The following LRRC58 variants were observed in gnomAD, a reference collection of about 807,000 sequenced individuals.
LRRC58 encodes the protein leucine-rich repeat-containing protein 58.
In LRRC58, 18 loss-of-function variants were observed where a neutral mutation model predicts 30.6. The observed-to-expected ratio is 0.59, with a 90% CI of 0.41 to 0.87. LRRC58 has a LOEUF of 0.87. Among genes scored for constraint, LRRC58 ranks in the 40% least tolerant of loss-of-function variants. LRRC58 has a pLI of 0.00. For synonymous variants in LRRC58, 221 were observed against 206.0 expected, an observed-to-expected ratio of 1.07 and a Z score of -0.62; for missense variants, 420 against 468.4, an observed-to-expected ratio of 0.90 and a Z score of 0.95.
At chr3:120,341,470 TTA>T (rs1935903553) in intron 1 of LRRC58, among the ~76,000 whole-genome samples, 1 of 152,204 alleles carries the variant, frequency 6.6e-6, no homozygotes, top group Non-Finnish European at 1.5e-5. Context: ...AGTGTAAATA[TTA>T]TCCTTTCTAT....
chr3:120,348,842 C>T lies in LRRC58; in HGVS notation c.402G>A (p.Glu134=), dbSNP rs1434924555. The change falls in exon 1 of 4, where the codon GAG becomes GAA. Residue 134 remains glutamate, a synonymous_variant. Coordinates refer to ENST00000295628, the MANE Select transcript of LRRC58 (RefSeq NM_001099678.2). The part of the protein sequence containing the change: ...VLNLSGNCFQ[E]VPASLLELRA... ...GCAGCTCTAAGAGCGAGGCAGGCAC[C>T]TCCTGGAAACAGTTGCCGCTGAGGT... The T allele has an allele frequency of 6.2e-7, 1 of 1,604,480 alleles. No individual in the cohort carries two copies. The highest frequency in any genetic ancestry group is 1.7e-5 in the Admixed American group (1 of 58,766).
At chr3:120,332,574 T>A (rs889913796) in intron 3 of LRRC58, among the ~76,000 whole-genome samples, 1 of 152,186 alleles carries the variant, frequency 6.6e-6, no homozygotes, top group Non-Finnish European at 1.5e-5. Flanking sequence ...TGGGAGTTAC[T>A]ACGAACTAAA....
At chr3:120,341,326 T>C (rs1465190074) in intron 1 of LRRC58, among the ~76,000 whole-genome samples, 1 of 152,022 alleles carries the variant, frequency 6.6e-6, no homozygotes, top group Non-Finnish European at 1.5e-5. Flanking sequence ...ATGAGAATAC[T>C]ATCAGGGAAA....
In LRRC58 at chr3:120,349,143, G is replaced by T; in HGVS notation, c.101C>A (p.Ala34Glu). The T allele has an allele frequency of 6.6e-7, 1 of 1,503,834 alleles. No homozygotes were observed. The highest frequency in any genetic ancestry group is 8.8e-7 in the Non-Finnish European group (1 of 1,134,816). The allele number at this position is 1,503,834 out of a possible 1,614,324, so 93.2% of individuals were successfully genotyped here. A position where few individuals can be genotyped will look rare whatever the true frequency, so the allele number is the denominator to read the frequency against. The change falls in exon 1 of 4, where the codon GCG (alanine) becomes GAG (glutamate). Residue 34 changes from alanine to glutamate, a missense_variant. By Grantham distance (107) the Ala-to-Glu change is moderately radical. Transcript: ENST00000295628. Reference protein sequence around the residue: ...STETLESELEARGEERRGARE... With the variant: ...STETLESELEERGEERRGARE... ...CGCCCCGCGCCGCTCCTCCCCCCGCGCCTCCAGCTCAGACTCCAGCGTCTC... is the reference window on the plus strand; with the variant it reads ...CGCCCCGCGCCGCTCCTCCCCCCGCTCCTCCAGCTCAGACTCCAGCGTCTC...
rs980617410 is a variant in LRRC58, at chr3:120,326,455, C to T, written c.*4745G>A. 5.3e-5 allele frequency: 8 copies of T among 152,222 alleles called. No individual in the cohort carries two copies. The East Asian group carries it at 1.3e-3, about 26-fold the overall frequency. 9.4% of individuals were successfully genotyped at this position (152,222 alleles called of 1,614,324 possible). On this transcript the variant is annotated 3_prime_UTR_variant, in exon 4 of 4. Transcript: ENST00000295628. ...AAGTGCCAGGATTACTGGCGTGAGC[C>T]ACCATGCCTGGCCCAAAATTGTACA...
chr3:120,340,410 T>C (rs1287615444), intron 1 of LRRC58, among the ~76,000 whole-genome samples: 3 of 152,200 alleles, frequency 2.0e-5, no homozygotes, highest in African/African-American at 7.2e-5. Context: ...TCCCTATTCT[T>C]GCTTCACTGA....
chr3:120,344,665 A>G (rs1414920882), intron 1 of LRRC58, among the ~76,000 whole-genome samples: 2 of 152,254 alleles, frequency 1.3e-5, no homozygotes, highest in Non-Finnish European at 2.9e-5. Context: ...AAGATTGTAG[A>G]AGAGTACCAA....
intron 1 of LRRC58, 61 bp downstream of exon 1, chr3:120,348,683 C>A: frequency 6.8e-7 from 1 of 1,473,612 alleles, no homozygotes; most frequent in Non-Finnish European, 9.0e-7. Flanking sequence ...CCAGGCCCGG[C>A]GCCCCAGGGT....
At chr3:120,332,101 G>T (rs1009707756) in intron 3 of LRRC58, among the ~76,000 whole-genome samples, 6 of 152,162 alleles carry the variant, frequency 3.9e-5, no homozygotes, top group African/African-American at 1.2e-4. Flanking sequence ...TGAGAGGAAA[G>T]CAGATGTTGC....
At chr3:120,347,150 ATGTC>A (rs1402848280) in intron 1 of LRRC58, among the ~76,000 whole-genome samples, 1 of 152,122 alleles carries the variant, frequency 6.6e-6, no homozygotes, top group Non-Finnish European at 1.5e-5. Flanking sequence ...TAGTTGTTTA[ATGTC>A]TGTCTCCTGG....
At position 120,342,627 on chromosome 3, in the gene LRRC58, A is replaced by G. The variant is rs999360512; in HGVS notation, c.500+6117T>C. 5.9e-5 allele frequency among the ~76,000 whole-genome samples: 9 copies of G among 152,330 alleles called. No homozygotes were observed. In the Middle Eastern group the frequency reaches 0.017, roughly 288 times the overall value. On this transcript the variant is annotated intron_variant, in intron 1 of 3. Transcript: ENST00000295628. ...ACACTTGAAGGGACCACCTGCCTAC[A>G]GAGAGGAGCTACTCACTCATCTCAG...
At chr3:120,336,700 T>C (rs922190943) in intron 1 of LRRC58, among the ~76,000 whole-genome samples, 38 of 151,832 alleles carry the variant, frequency 2.5e-4, no homozygotes, top group African/African-American at 8.5e-4. Context: ...TTTCCAACAA[T>C]AGGTTAACAT....
chr3:120,332,218 A>G (rs1200904567), intron 3 of LRRC58, among the ~76,000 whole-genome samples: 1 of 152,242 alleles, frequency 6.6e-6, no homozygotes, highest in Non-Finnish European at 1.5e-5. Context: ...TTTTGGTCCA[A>G]TCACCTCTCT....
chr3:120,333,029 T>A (rs1357704270), intron 3 of LRRC58, among the ~76,000 whole-genome samples: 1 of 150,880 alleles, frequency 6.6e-6, no homozygotes, highest in Admixed American at 6.6e-5. Flanking sequence ...GAGGCGGAGC[T>A]TGCAGTGAGC....
rs560022723 is a variant in LRRC58, at chr3:120,325,375, C to G, written c.*5825G>C. On this transcript the variant is annotated 3_prime_UTR_variant, in exon 4 of 4. Coordinates refer to ENST00000295628, the MANE Select transcript of LRRC58 (RefSeq NM_001099678.2). ...TCACAGCCAAAGGAACAAGTACATT[C>G]TGGTGAATGCAGATGTTCTTTCCAC... 6.6e-6 allele frequency: 1 copy of G among 152,306 alleles called. No individual in the cohort carries two copies. Among genetic ancestry groups the G allele is most frequent in the South Asian group, 2.1e-4 (1 of 4,826 alleles). The allele number at this position is 152,306 out of a possible 1,614,324, so 9.4% of individuals were successfully genotyped here. A position where few individuals can be genotyped will look rare whatever the true frequency, so the allele number is the denominator to read the frequency against.
chr3:120,338,368 C>T (rs60136263), intron 1 of LRRC58, among the ~76,000 whole-genome samples: 9,134 of 152,230 alleles, frequency 0.06, 752 homozygotes, highest in African/African-American at 0.19. Context: ...TATGAACTAA[C>T]ACCTACAATG....
chr3:120,349,284 C>G lies in LRRC58; in HGVS notation c.-41G>C. 1 of 1,351,016 alleles carries G rather than the reference C, an allele frequency of 7.4e-7. No homozygotes were observed. Among genetic ancestry groups the G allele is most frequent in the Non-Finnish European group, 9.5e-7 (1 of 1,057,746 alleles). The allele number at this position is 1,351,016 out of a possible 1,614,324, so 83.7% of individuals were successfully genotyped here. On this transcript the variant is annotated 5_prime_UTR_variant, in exon 1 of 4. Coordinates refer to ENST00000295628, the MANE Select transcript of LRRC58 (RefSeq NM_001099678.2). Reference sequence around the variant, plus strand: ...GCGCGTGGCGCCGGATTCCCCAGAGCGCCGCGCGCGGTCCAGAGGCCGGGA... The same window carrying G: ...GCGCGTGGCGCCGGATTCCCCAGAGGGCCGCGCGCGGTCCAGAGGCCGGGA...
chr3:120,337,331 C>T (rs1234401798), intron 1 of LRRC58, among the ~76,000 whole-genome samples: 1 of 152,078 alleles, frequency 6.6e-6, no homozygotes, highest in African/African-American at 2.4e-5. Context: ...AAAATGGTAC[C>T]ATTCTGTGTT....
intron 3 of LRRC58, among the ~76,000 whole-genome samples, chr3:120,333,377 G>GA (rs1357653709): frequency 6.6e-6 from 1 of 152,212 alleles, no homozygotes; most frequent in Non-Finnish European, 1.5e-5. Context: ...TGCCCTATGT[G>GA]TTTTCCTCTG....
Sources: gnomAD v4.1 joint callset for allele counts (sites outside exome capture counted in the v4.1 genomes callset) on GRCh38, gnomAD v4.1.1 for gene constraint, MANE v1.5 for transcripts, NCBI Gene and HGNC (gene_info 2026-07-23, HGNC 2026-07-21) for gene names.